MAGI2: variants seen among roughly 807,000 people sequenced by gnomAD.
MAGI2 encodes membrane-associated guanylate kinase, WW and PDZ domain-containing protein 2.
Under a neutral mutation model 133.3 loss-of-function variants are expected in MAGI2, and 35 were observed. The observed-to-expected ratio is 0.26, with a 90% CI of 0.20 to 0.35. MAGI2 has a LOEUF of 0.35. MAGI2 is among the 10% of genes least tolerant of loss of function. The pLI is 1.00. For synonymous variants in MAGI2, 729 were observed against 710.6 expected (o/e 1.03, Z -0.41); for missense variants, 1,636 against 1,863.4 (o/e 0.88, Z 2.25).
intron 9 of MAGI2, among the ~76,000 whole-genome samples, chr7:78,268,055 A>T (rs938665793): frequency 1.1e-4 from 16 of 152,150 alleles, no homozygotes; most frequent in African/African-American, 3.6e-4. Flanking sequence ...AGATAGGTCC[A>T]CATGTTTGTA....
intron 21 of MAGI2, among the ~76,000 whole-genome samples, chr7:78,038,601 C>G (rs1810485963): frequency 6.6e-6 from 1 of 152,188 alleles, no homozygotes; most frequent in Non-Finnish European, 1.5e-5. Flanking sequence ...CCCACTGAAT[C>G]TGAATCTGCA....
At chr7:78,545,731 G>A (rs536028281) in intron 3 of MAGI2, among the ~76,000 whole-genome samples, 191 of 152,246 alleles carry the variant, frequency 1.3e-3, no homozygotes, top group African/African-American at 4.1e-3. Context: ...TTCAAAATGA[G>A]TTTGTGTAGA....
intron 2 of MAGI2, among the ~76,000 whole-genome samples, chr7:78,808,708 A>G (rs1317985169): frequency 6.6e-6 from 1 of 152,354 alleles, no homozygotes; most frequent in South Asian, 2.1e-4. Flanking sequence ...TGAAGGGTTC[A>G]TGTGGTGAGT....
intron 2 of MAGI2, among the ~76,000 whole-genome samples, chr7:78,948,682 T>G (rs1801630786): frequency 6.6e-6 from 1 of 152,158 alleles, no homozygotes; most frequent in African/African-American, 2.4e-5. Flanking sequence ...AATAGAAAAC[T>G]TGTTAAACAT....
At chr7:79,016,006 G>GC (rs1485118208) in intron 1 of MAGI2, among the ~76,000 whole-genome samples, 2 of 117,996 alleles carry the variant, frequency 1.7e-5, no homozygotes, top group African/African-American at 6.2e-5. Flanking sequence ...AGCGGGGGGG[G>GC]GGGGTGGGGG....
At chr7:79,049,445 G>A (rs1419368225) in intron 1 of MAGI2, among the ~76,000 whole-genome samples, 1 of 152,118 alleles carries the variant, frequency 6.6e-6, no homozygotes, top group East Asian at 1.9e-4. Flanking sequence ...GAATAAAAAT[G>A]AGGCTGAGAA....
chr7:78,401,593 T>C (rs955191610), intron 6 of MAGI2, among the ~76,000 whole-genome samples: 4 of 152,170 alleles, frequency 2.6e-5, no homozygotes, highest in Non-Finnish European at 5.9e-5. Context: ...GAAGTTTTGA[T>C]AGTCTCTTAT....
intron 2 of MAGI2, among the ~76,000 whole-genome samples, chr7:78,746,383 T>C (rs961440584): frequency 6.6e-6 from 1 of 152,178 alleles, no homozygotes; most frequent in Non-Finnish European, 1.5e-5. Context: ...CCTCTCAAGC[T>C]CCACCCTTTC....
intron 2 of MAGI2, among the ~76,000 whole-genome samples, chr7:78,697,265 AT>A (rs1209970571): frequency 1.3e-5 from 2 of 152,296 alleles, no homozygotes; most frequent in African/African-American, 4.8e-5. Flanking sequence ...ATTCATGGAA[AT>A]TTAAGCCTGT....
At chr7:79,200,389 G>A (rs867866489) in intron 1 of MAGI2, among the ~76,000 whole-genome samples, 1 of 151,176 alleles carries the variant, frequency 6.6e-6, no homozygotes, top group Non-Finnish European at 1.5e-5. Flanking sequence ...GATCACTTAT[G>A]CTCAGGAATT....
intron 3 of MAGI2, chr7:78,615,209 C>A (rs180990555): frequency 1.3e-5 from 2 of 152,212 alleles, no homozygotes; most frequent in African/African-American, 2.4e-5. Flanking sequence ...ATAAATGAGA[C>A]CCCTATTAAA....
intron 1 of MAGI2, among the ~76,000 whole-genome samples, chr7:79,042,436 C>A (rs1811757345): frequency 1.3e-5 from 2 of 152,166 alleles, no homozygotes; most frequent in African/African-American, 4.8e-5. Flanking sequence ...ATGTGAGATG[C>A]ATCTCTTGAA....
At position 79,193,237 on chromosome 7, in the gene MAGI2, T is replaced by G. The variant is rs560235456; in HGVS notation, c.302-186031A>C. Among the ~76,000 whole-genome samples, 8 of 152,092 alleles carry G rather than the reference T, an allele frequency of 5.3e-5. No homozygotes were observed. In the East Asian group the frequency reaches 1.4e-3, roughly 26 times the overall value. ...GGAACCTTATCATAGCCTTCCTTAT[T>G]TATGTTACTTTCATATAGTAGCCAA... On this transcript the variant is annotated intron_variant, in intron 1 of 21. Coordinates refer to ENST00000354212, the MANE Select transcript of MAGI2 (RefSeq NM_012301.4).
chr7:79,293,981 G>A (rs1248690227), intron 1 of MAGI2, among the ~76,000 whole-genome samples: 2 of 152,114 alleles, frequency 1.3e-5, no homozygotes, highest in Non-Finnish European at 1.5e-5. Context: ...CCAGCAGTTC[G>A]AGACTAGCCT....
At chr7:78,750,312 T>C (rs1823335671) in intron 2 of MAGI2, among the ~76,000 whole-genome samples, 1 of 152,182 alleles carries the variant, frequency 6.6e-6, no homozygotes, top group Non-Finnish European at 1.5e-5. Context: ...TCCAAGTCTT[T>C]GCTATTGTGA....
rs528074894 is a variant in MAGI2 at position 78,900,509 on chromosome 7, C to T, written c.418+106581G>A. Among the ~76,000 whole-genome samples the T allele has an allele frequency of 1.2e-4, 19 of 152,162 alleles. No individual in the cohort carries two copies. In the South Asian group the frequency reaches 3.1e-3, roughly 25 times the overall value. ...TCTATTTAGGTCCTTCACACTTGCT[C>T]GGCCCTCTACCTACAATATTCTTCC... On this transcript the variant is annotated intron_variant, in intron 2 of 21. Coordinates refer to ENST00000354212, the MANE Select transcript of MAGI2 (RefSeq NM_012301.4).
At chr7:78,513,605 T>G (rs1291090972) in intron 4 of MAGI2, among the ~76,000 whole-genome samples, 2 of 152,176 alleles carry the variant, frequency 1.3e-5, no homozygotes, top group African/African-American at 4.8e-5. Context: ...TGAAGAAACT[T>G]AAACATTTTC....
At position 78,075,625 on chromosome 7, in the gene MAGI2, C is replaced by G. The variant is rs376816822; in HGVS notation, c.3706+3322G>C. ...TCTCCTGACCTCGTGATCTGCCCAC[C>G]TCGGCCTCCCAAAATGCTGGGATTA... On this transcript the variant is annotated intron_variant, in intron 21 of 21. Transcript: ENST00000354212. 5.3e-5 allele frequency among the ~76,000 whole-genome samples: 8 copies of G among 152,268 alleles called. No homozygotes were observed. In the East Asian group the frequency reaches 1.5e-3, roughly 29 times the overall value.
chr7:78,227,849 G>GT (rs1554508231), intron 10 of MAGI2, among the ~76,000 whole-genome samples: 2 of 47,698 alleles, frequency 4.2e-5, no homozygotes, highest in African/African-American at 5.3e-5. Context: ...TTCTTACTCA[G>GT]TTGTGTGTGT....
Sources: allele counts gnomAD v4.1 joint callset (sites outside exome capture counted in the v4.1 genomes callset), GRCh38; gene constraint gnomAD v4.1.1; transcripts MANE v1.5; gene names NCBI Gene and HGNC (gene_info 2026-07-23, HGNC 2026-07-21).